Variants in SLC6A17 observed in about 807,000 individuals in gnomAD.
SLC6A17 encodes solute carrier family 6 member 17.
A neutral mutation model predicts 64.5 loss-of-function variants in SLC6A17; 21 were observed. That is an observed-to-expected ratio of 0.33 (90% CI 0.23 to 0.47). SLC6A17 has a LOEUF of 0.47. Ranked by LOEUF, SLC6A17 falls within the 20% of genes least tolerant of loss-of-function variation. The pLI is 1.00. For missense variants in SLC6A17, 682 were observed against 963.2 expected (o/e 0.71, Z 3.86); for synonymous variants, 372 against 399.5 (o/e 0.93, Z 0.82).
chr1:110,166,719 C>T, intron 1 of SLC6A17, 124 bp from the exon 2 acceptor site: 1 of 532,250 alleles, frequency 1.9e-6, no homozygotes, highest in Non-Finnish European at 3.2e-6. Flanking sequence ...GGGCAAGCTG[C>T]ATATATGAGG....
chr1:110,180,851 G>A (rs965218189), intron 6 of SLC6A17, among the ~76,000 whole-genome samples: 1 of 152,130 alleles, frequency 6.6e-6, no homozygotes, highest in African/African-American at 2.4e-5. Context: ...TTTGGCCAGG[G>A]CATCTCAGAG....
chr1:110,184,156 G>A (rs1656613691), intron 6 of SLC6A17, among the ~76,000 whole-genome samples: 1 of 152,102 alleles, frequency 6.6e-6, no homozygotes, highest in African/African-American at 2.4e-5. Flanking sequence ...TGTTGCCCAG[G>A]CCAGAGTGCA....
At position 110,167,150 on chromosome 1, in the gene SLC6A17, T is replaced by C. The variant is rs1036969564; in HGVS notation, c.221T>C (p.Ile74Thr). 3.1e-6 allele frequency: 5 copies of C among 1,613,504 alleles called. No homozygotes were observed. Among genetic ancestry groups the C allele is most frequent in the Admixed American group, 3.3e-5 (2 of 59,958 alleles). Reference sequence around the variant, plus strand: ...AAGCTGCAGTACATCCTGGCCCAGATTGGCTTCTCTGTGGGCCTCGGCAAC... The same window carrying C: ...AAGCTGCAGTACATCCTGGCCCAGACTGGCTTCTCTGTGGGCCTCGGCAAC... ...NSKLQYILAQ[I>T]GFSVGLGNIW... is the part of the protein sequence containing the mutation. Residue 74 changes from isoleucine to threonine, a missense_variant, in exon 2 of 12, where the codon ATT (isoleucine) becomes ACT (threonine). By Grantham distance (89) the Ile-to-Thr change is moderately conservative. Transcript: ENST00000331565.
intron 1 of SLC6A17, among the ~76,000 whole-genome samples, chr1:110,161,505 TAGCAGGATCAGG>T (rs1655908045): frequency 6.6e-6 from 1 of 151,892 alleles, no homozygotes; most frequent in Non-Finnish European, 1.5e-5. Context: ...GACCCAAGGG[TAGCAGGATCAGG>T]AGCACGGGGA....
chr1:110,171,602 C>T (rs1288656821), intron 2 of SLC6A17, among the ~76,000 whole-genome samples: 2 of 152,150 alleles, frequency 1.3e-5, no homozygotes, highest in African/African-American at 2.4e-5. Flanking sequence ...GGTTCAGACG[C>T]TGGGAAGGCT....
chr1:110,173,900 GC>G, intron 3 of SLC6A17, 72 bp from the exon 4 acceptor site: 2 of 1,544,050 alleles, frequency 1.3e-6, no homozygotes, highest in Admixed American at 1.9e-5. Flanking sequence ...GACGTGCTGG[GC>G]CTCGGGTGGA....
rs1055867035 is a variant in SLC6A17, at chr1:110,195,800, A to G, written c.1652+55A>G. 2.5e-5 allele frequency: 40 copies of G among 1,600,152 alleles called. No homozygotes were observed. The Middle Eastern group carries it at 5.0e-4, about 20-fold the overall frequency. ...GGGAGGAGGGGTCTGTCCTATCATG[A>G]CTCCCTGGAGAGGCAGATCATAGAG... On this transcript the variant is annotated intron_variant, in intron 10 of 11. Coordinates refer to ENST00000331565, the MANE Select transcript of SLC6A17 (RefSeq NM_001010898.4).
rs1657084210 is a variant in SLC6A17, at chr1:110,200,117, A to C, written c.*1673A>C. On this transcript the variant is annotated 3_prime_UTR_variant, in exon 12 of 12. Coordinates refer to ENST00000331565, the MANE Select transcript of SLC6A17 (RefSeq NM_001010898.4). The stretch of plus-strand genomic sequence containing the variant: ...GGGTCGCAAGTCACTCTTGTGGCTC[A>C]GATTGCTCTTAGGACCTGGAGGGAC... The C allele has an allele frequency of 5.0e-6, 2 of 398,418 alleles. No individual in the cohort carries two copies. Among genetic ancestry groups the C allele is most frequent in the Non-Finnish European group, 8.8e-6 (2 of 226,066 alleles). 24.7% of individuals were successfully genotyped at this position (398,418 alleles called of 1,614,324 possible).
In SLC6A17 at chr1:110,192,736, A is replaced by G. The variant is rs1412188419; in HGVS notation, c.1299+38A>G. Reference sequence around the variant, plus strand: ...GCTGCCCTTCCCAGGACAGGCAGGAACCCAGAGAGCAGCTGTGGCCGGCGG... The same window carrying G: ...GCTGCCCTTCCCAGGACAGGCAGGAGCCCAGAGAGCAGCTGTGGCCGGCGG... On this transcript the variant is annotated intron_variant, in intron 8 of 11. Transcript: ENST00000331565. The surrounding 1 kb of genome is among the most constrained non-coding windows in gnomAD (Gnocchi z 4.3). 7 of 1,587,516 alleles carry G rather than the reference A, an allele frequency of 4.4e-6. No individual in the cohort carries two copies. The highest frequency in any genetic ancestry group is 6.0e-6 in the Non-Finnish European group (7 of 1,165,042).
chr1:110,194,688 G>C lies in SLC6A17; in HGVS notation c.1409G>C (p.Gly470Ala), dbSNP rs1656915179. The change falls in exon 9 of 12, where the codon GGC (glycine) becomes GCC (alanine). Residue 470 changes from glycine (G) to alanine (A), a missense_variant. By Grantham distance (60) the Gly-to-Ala change is moderately conservative (BLOSUM62 0). This residue lies in a region of SLC6A17 where 3 missense variants were observed against 19.9 expected (regional missense o/e 0.15). Coordinates refer to ENST00000331565, the MANE Select transcript of SLC6A17 (RefSeq NM_001010898.4). ...VMFFLMLINL[G>A]LGSMIGTMAG... Reference sequence around the variant, plus strand: ...TTCTTCTTGATGCTTATCAACCTGGGCCTGGGCAGCATGATCGGGACCATG... The same window carrying C: ...TTCTTCTTGATGCTTATCAACCTGGCCCTGGGCAGCATGATCGGGACCATG... 1 of 1,614,060 alleles carries C rather than the reference G, an allele frequency of 6.2e-7. No individual in the cohort carries two copies. Among genetic ancestry groups the C allele is most frequent in the Non-Finnish European group, 8.5e-7 (1 of 1,180,050 alleles).
Position 110,198,346 on chromosome 1 carries a change from G to A in SLC6A17, c.2086G>A (p.Gly696Arg). ...CATGCCCACTCACCGTTCCTATCTG[G>A]GGCCCGGCAGCACATCACCCCTGGA... is the stretch of plus-strand genomic sequence containing the variant. ...SPMPTHRSYL[G>R]PGSTSPLETS... The change falls in exon 12 of 12, where the codon GGG (glycine) becomes AGG (arginine). Residue 696 changes from glycine (G) to arginine (R), a missense_variant. Physicochemically the swap from Gly to Arg is moderately radical, Grantham distance 125. Coordinates refer to ENST00000331565, the MANE Select transcript of SLC6A17 (RefSeq NM_001010898.4). 6.2e-7 allele frequency: 1 copy of A among 1,614,116 alleles called. No homozygotes were observed. The highest frequency in any genetic ancestry group is 8.5e-7 in the Non-Finnish European group (1 of 1,180,022).
intron 11 of SLC6A17, 52 bp from the exon 12 acceptor site, chr1:110,198,024 G>A (rs916662891): frequency 3.7e-5 from 57 of 1,558,538 alleles, no homozygotes; most frequent in Admixed American, 8.8e-5. Context: ...GGGCCTGGGC[G>A]GGGAGGGCTG....
chr1:110,195,107 C>T (rs1247460804), intron 9 of SLC6A17: 1 of 433,936 alleles, frequency 2.3e-6, no homozygotes, highest in Non-Finnish European at 4.3e-6. Flanking sequence ...GCCTTGCGCC[C>T]TGTTCCATCT....
Position 110,200,025 on chromosome 1 carries a change from A to G in SLC6A17, c.*1581A>G. 1 of 398,472 alleles carries G rather than the reference A, an allele frequency of 2.5e-6. No homozygotes were observed. Among genetic ancestry groups the G allele is most frequent in the Non-Finnish European group, 4.4e-6 (1 of 226,050 alleles). 24.7% of individuals were successfully genotyped at this position (398,472 alleles called of 1,614,324 possible). ...GGAGAAAGGAGGGAATACTGGCTCCATCTTTGAGAGCTCTGGTGGGCAGGG... is the reference window on the plus strand; with the variant it reads ...GGAGAAAGGAGGGAATACTGGCTCCGTCTTTGAGAGCTCTGGTGGGCAGGG... On this transcript the variant is annotated 3_prime_UTR_variant, in exon 12 of 12. Coordinates refer to ENST00000331565, the MANE Select transcript of SLC6A17 (RefSeq NM_001010898.4).
chr1:110,168,621 A>G (rs1441907044), intron 2 of SLC6A17, among the ~76,000 whole-genome samples: 1 of 152,236 alleles, frequency 6.6e-6, no homozygotes, highest in Non-Finnish European at 1.5e-5. Flanking sequence ...ATACAAGTAT[A>G]TGGTTTCTTT....
At chr1:110,160,352 CA>C (rs1655874566) in intron 1 of SLC6A17, among the ~76,000 whole-genome samples, 2 of 152,250 alleles carry the variant, frequency 1.3e-5, no homozygotes, top group South Asian at 4.1e-4. Flanking sequence ...AAGATTTCAA[CA>C]TGGCAAGCAG....
At position 110,166,859 on chromosome 1, in the gene SLC6A17, G is replaced by T. The variant is rs529190839; in HGVS notation, c.-71G>T. The T allele has an allele frequency of 1.3e-6, 2 of 1,514,344 alleles. No individual in the cohort carries two copies. The highest frequency in any genetic ancestry group is 2.8e-5 in the African/African-American group (2 of 72,212). The allele number at this position is 1,514,344 out of a possible 1,614,324, so 93.8% of individuals were successfully genotyped here. ...GTTTCCTAGGTCCCTGAATGAGAAG[G>T]AGCTGACAGCAGCTGAATTCCATCT... On this transcript the variant is annotated 5_prime_UTR_variant, in exon 2 of 12. Coordinates refer to ENST00000331565, the MANE Select transcript of SLC6A17 (RefSeq NM_001010898.4).
chr1:110,198,327 C>A lies in SLC6A17; in HGVS notation c.2067C>A (p.Pro689=). ...KVPSEAPSPM[P]THRSYLGPGS... ...CCAGTGAGGCACCTTCCCCCATGCC[C>A]ACTCACCGTTCCTATCTGGGGCCCG... is the stretch of plus-strand genomic sequence containing the variant. The change falls in exon 12 of 12, where the codon CCC becomes CCA. Residue 689 remains proline (P), a synonymous_variant. Transcript: ENST00000331565. 6.2e-7 allele frequency: 1 copy of A among 1,614,186 alleles called. No individual in the cohort carries two copies. Among genetic ancestry groups the A allele is most frequent in the South Asian group, 1.1e-5 (1 of 91,080 alleles).
chr1:110,153,891 A>G (rs528274515), intron 1 of SLC6A17, among the ~76,000 whole-genome samples: 63 of 152,120 alleles, frequency 4.1e-4, no homozygotes, highest in African/African-American at 1.4e-3. Flanking sequence ...GGATGGGGGA[A>G]AAAAAACCTG....
Sources: gnomAD v4.1 joint callset for allele counts (sites outside exome capture counted in the v4.1 genomes callset) on GRCh38, gnomAD v4.1.1 for gene constraint, gnomAD v4.1.1 regional missense constraint, Gnocchi (gnomAD v3.1) non-coding constraint, MANE v1.5 for transcripts, NCBI Gene and HGNC (gene_info 2026-07-23, HGNC 2026-07-21) for gene names.